NTN1: variants seen among roughly 807,000 people sequenced by gnomAD.
NTN1 encodes netrin 1, also known as netrin-1.
In NTN1, 11 loss-of-function variants were observed where a neutral mutation model predicts 54.2. The ratio of observed to expected loss-of-function variants is 0.20; its 90% CI spans 0.13 to 0.34. The LOEUF (loss-of-function observed/expected upper bound fraction) is 0.34, where lower values mean the gene tolerates loss of function less well. NTN1 is among the 10% of genes least tolerant of loss of function. The pLI is 1.00. For missense variants in NTN1, 740 were observed against 893.1 expected (o/e 0.83, Z 2.18); for synonymous variants, 371 against 382.0 (o/e 0.97, Z 0.33).
At chr17:9,193,920 T>TAAAAAAAAAAAAAA (rs71361871) in intron 5 of NTN1, among the ~76,000 whole-genome samples, 5 of 44,898 alleles carry the variant, frequency 1.1e-4, no homozygotes, top group African/African-American at 4.3e-4. Context: ...AAACTCCGAC[T>TAAAAAAAAAAAAAA]AAAAAAAAAA....
At chr17:9,152,366 G>A (rs540181498) in intron 2 of NTN1, among the ~76,000 whole-genome samples, 69 of 152,120 alleles carry the variant, frequency 4.5e-4, no homozygotes, top group Non-Finnish European at 8.2e-4. Flanking sequence ...CCAGTTCCCC[G>A]GAGAGGATCC....
chr17:9,163,182 A>C (rs1430976545), intron 3 of NTN1, among the ~76,000 whole-genome samples, 181 bp downstream of exon 3: 1 of 111,722 alleles, frequency 9.0e-6, no homozygotes, highest in Non-Finnish European at 1.8e-5. Context: ...ACACACACAC[A>C]CACGCCTCCC....
the NTN1 span, among the ~76,000 whole-genome samples, chr17:9,005,622 C>T: frequency 8.5e-5 from 13 of 152,222 alleles, no homozygotes; most frequent in Admixed American, 7.2e-4. Flanking sequence ...AGGCCCTTCT[C>T]TCCCAGGACC....
At chr17:9,101,633 C>T (rs1433055674) in intron 2 of NTN1, among the ~76,000 whole-genome samples, 1 of 152,206 alleles carries the variant, frequency 6.6e-6, no homozygotes, top group Non-Finnish European at 1.5e-5. Flanking sequence ...TTGTCTTATA[C>T]AACACAGCAC....
At chr17:9,045,598 G>A (rs1567697681) in intron 2 of NTN1, among the ~76,000 whole-genome samples, 1 of 152,240 alleles carries the variant, frequency 6.6e-6, no homozygotes, top group East Asian at 1.9e-4. Context: ...CCATGAGAAA[G>A]GCTGAAAATT....
At chr17:9,182,818 G>GGGA in intron 4 of NTN1, 98 bp from the exon 5 acceptor site, 1 of 1,211,738 alleles carries the variant, frequency 8.3e-7, no homozygotes, top group Middle Eastern at 1.9e-4. Context: ...CCAGGAAGTT[G>GGGA]GGAGGAGTCT....
At chr17:9,141,932 A>G (rs2092299143) in intron 2 of NTN1, among the ~76,000 whole-genome samples, 1 of 152,066 alleles carries the variant, frequency 6.6e-6, no homozygotes, top group African/African-American at 2.4e-5. Context: ...CGTACTCAGG[A>G]GTTCGAGACC....
the NTN1 span, among the ~76,000 whole-genome samples, chr17:9,009,203 G>A: frequency 6.6e-6 from 1 of 152,240 alleles, no homozygotes; most frequent in African/African-American, 2.4e-5. Flanking sequence ...GTCCTTCTTA[G>A]GGAGTCCTTC....
At chr17:9,026,391 C>T (rs1164148123) in intron 2 of NTN1, among the ~76,000 whole-genome samples, 1 of 137,840 alleles carries the variant, frequency 7.3e-6, no homozygotes, top group Non-Finnish European at 1.6e-5. Flanking sequence ...GGATTTCTTC[C>T]GGGGGGGGGG....
At chr17:9,149,260 C>CT (rs1555571578) in intron 2 of NTN1, among the ~76,000 whole-genome samples, 11 of 150,426 alleles carry the variant, frequency 7.3e-5, no homozygotes, top group Middle Eastern at 6.8e-3. Flanking sequence ...GAACCCCCCC[C>CT]ACACCCCCAC....
intron 3 of NTN1, chr17:9,177,691 A>G (rs1045075789): frequency 6.6e-6 from 1 of 152,216 alleles, no homozygotes; most frequent in African/African-American, 2.4e-5. Flanking sequence ...GGCACTGCCC[A>G]TGCTCCATCT....
intron 5 of NTN1, among the ~76,000 whole-genome samples, chr17:9,209,725 C>G (rs532841463): frequency 1.3e-5 from 2 of 152,330 alleles, no homozygotes; most frequent in South Asian, 4.1e-4. Context: ...GGAAGAGGAC[C>G]CAGTGCTTCA....
chr17:9,133,754 A>AT (rs57053201), intron 2 of NTN1, among the ~76,000 whole-genome samples: 18,378 of 104,486 alleles, frequency 0.18, 2,075 homozygotes, highest in East Asian at 0.39. Context: ...TGCCCAGCTA[A>AT]TTTTTTTTTT....
At position 9,179,856 on chromosome 17, in the gene NTN1, C is replaced by A. The variant is rs1597522565; in HGVS notation, c.1257C>A (p.Thr419=). The part of the protein sequence containing the change: ...VGAAGKTCNQ[T]TGQCPCKDGV... ...CTGCTGGCAAAACCTGCAACCAAAC[C>A]ACCGGCCAGTGTCCCTGCAAGGACG... Residue 419 remains threonine (T), a synonymous_variant, in exon 4 of 7, where the codon ACC becomes ACA. Coordinates refer to ENST00000173229, the MANE Select transcript of NTN1 (RefSeq NM_004822.3). 6.2e-7 allele frequency: 1 copy of A among 1,614,112 alleles called. No individual in the cohort carries two copies. The highest frequency in any genetic ancestry group is 1.3e-5 in the African/African-American group (1 of 75,066).
rs34018394 is a variant in NTN1 at position 9,227,240 on chromosome 17, T to TCA, written c.1486+6010_1486+6011dup. 9.2e-3 allele frequency among the ~76,000 whole-genome samples: 1,309 copies of TCA among 142,532 alleles called. 25 individuals carry two copies. The highest frequency in any genetic ancestry group is 0.033 in the African/African-American group (1,242 of 38,034). The allele number at this position is 142,532 out of a possible 152,430, so 93.5% of individuals were successfully genotyped here. On this transcript the variant is annotated intron_variant, in intron 6 of 6. Transcript: ENST00000173229. ...ACACACCATCACATCACATACACCA[T>TCA]CACACACACACACTTTATCACACAG... is the stretch of plus-strand genomic sequence containing the variant.
chr17:9,127,529 C>T (rs115386701), intron 2 of NTN1, among the ~76,000 whole-genome samples: 1,795 of 152,052 alleles, frequency 0.012, 31 homozygotes, highest in African/African-American at 0.041. Flanking sequence ...GAGTGAAGGA[C>T]GGTTGGAGTG....
rs1417006123 is a variant in NTN1, at chr17:9,221,195, A to AG, written c.1443dup (p.Lys482GlufsTer5). 1 of 1,609,178 alleles carries AG rather than the reference A, an allele frequency of 6.2e-7. No homozygotes were observed. Among genetic ancestry groups the AG allele is most frequent in the Non-Finnish European group, 8.5e-7 (1 of 1,179,100 alleles). On this transcript the variant is annotated frameshift_variant, in exon 6 of 7. Coordinates refer to ENST00000173229, the MANE Select transcript of NTN1 (RefSeq NM_004822.3). LOFTEE classifies it high-confidence loss of function. This position sits in a 1 kb window ranked among gnomAD's most constrained non-coding sequence, Gnocchi z 4.5. ...TGCGATTCCTACTGCAAGGCCTCCAAGGGGAAGCTGAAGATTAACATGAAA... is the reference window on the plus strand; with the variant it reads ...TGCGATTCCTACTGCAAGGCCTCCAAGGGGGAAGCTGAAGATTAACATGAAA...
intron 2 of NTN1, among the ~76,000 whole-genome samples, chr17:9,106,467 C>CCTTCCTT (rs2092166609): frequency 3.2e-4 from 39 of 120,018 alleles, no homozygotes; most frequent in Non-Finnish European, 4.8e-4. Context: ...CTTCCTTCCT[C>CCTTCCTT]CCTTCCTTCC....
intron 2 of NTN1, among the ~76,000 whole-genome samples, chr17:9,060,398 C>T (rs1422813563): frequency 6.6e-6 from 1 of 152,128 alleles, no homozygotes; most frequent in African/African-American, 2.4e-5. Context: ...TTTATGTTAT[C>T]CATAAGGCTT....
Sources: allele counts gnomAD v4.1 joint callset (sites outside exome capture counted in the v4.1 genomes callset), GRCh38; gene constraint gnomAD v4.1.1; non-coding constraint Gnocchi (gnomAD v3.1); transcripts MANE v1.5; gene names NCBI Gene and HGNC (gene_info 2026-07-23, HGNC 2026-07-21).